The following FAF2 variants were observed in gnomAD, a reference collection of about 807,000 sequenced individuals.
The protein encoded by FAF2 is FAS-associated factor 2.
In FAF2, 9 loss-of-function variants were observed where a neutral mutation model predicts 62.3. The ratio of observed to expected loss-of-function variants is 0.14; its 90% CI spans 0.09 to 0.25. The LOEUF is 0.25. Ranked by LOEUF, FAF2 falls within the 10% of genes least tolerant of loss-of-function variation. The pLI, the probability that FAF2 is intolerant of heterozygous loss-of-function variation, is 1.00. For synonymous variants in FAF2, 202 were observed against 198.0 expected (o/e 1.02, Z -0.17); for missense variants, 368 against 556.2 (o/e 0.66, Z 3.40).
Position 176,496,675 on chromosome 5 carries a change from T to C in FAF2, c.839+12T>C. 1 of 1,511,944 alleles carries C rather than the reference T, an allele frequency of 6.6e-7. No homozygotes were observed. The highest frequency in any genetic ancestry group is 8.9e-7 in the Non-Finnish European group (1 of 1,128,402). The allele number at this position is 1,511,944 out of a possible 1,614,324, so 93.7% of individuals were successfully genotyped here. ...GAACGCCTAGAAAGGTACAAGGGAG[T>C]TCCCTTCTGGAACAGAGAGAGACCA... On this transcript the variant is annotated intron_variant, in intron 8 of 10. Transcript: ENST00000261942.
intron 10 of FAF2, among the ~76,000 whole-genome samples, chr5:176,501,556 A>C (rs909406667): frequency 1.6e-4 from 24 of 152,172 alleles, no homozygotes; most frequent in Admixed American, 1.4e-3. Flanking sequence ...TGAGCCAGAT[A>C]CTCTAGGGAT....
At chr5:176,478,782 A>G (rs1482371485) in intron 1 of FAF2, among the ~76,000 whole-genome samples, 1 of 152,228 alleles carries the variant, frequency 6.6e-6, no homozygotes, top group East Asian at 1.9e-4. Context: ...AGCACTCAAA[A>G]TGTTTCAAAA....
intron 2 of FAF2, among the ~76,000 whole-genome samples, chr5:176,485,391 G>A (rs141306779): frequency 6.6e-6 from 1 of 152,288 alleles, no homozygotes; most frequent in Non-Finnish European, 1.5e-5. Context: ...TTCTGGCATG[G>A]CCGGCTTTCA....
intron 1 of FAF2, among the ~76,000 whole-genome samples, chr5:176,476,036 G>A (rs567758054): frequency 3.9e-5 from 6 of 152,194 alleles, no homozygotes; most frequent in East Asian, 1.9e-4. Context: ...CGGGAGGATC[G>A]CTTGAGCCCA....
At chr5:176,502,818 G>C (rs1302698573) in intron 10 of FAF2, among the ~76,000 whole-genome samples, 1 of 152,146 alleles carries the variant, frequency 6.6e-6, no homozygotes, top group Non-Finnish European at 1.5e-5. Flanking sequence ...GGGGGGCCGA[G>C]GCAGGCGGAT....
chr5:176,501,904 C>T (rs1156585371), intron 10 of FAF2, among the ~76,000 whole-genome samples: 1 of 152,098 alleles, frequency 6.6e-6, no homozygotes, highest in East Asian at 1.9e-4. Context: ...CAGGAAGCCG[C>T]CACCATGCCT....
intron 2 of FAF2, among the ~76,000 whole-genome samples, chr5:176,480,557 C>T (rs1758770390): frequency 6.6e-6 from 1 of 151,960 alleles, no homozygotes; most frequent in Admixed American, 6.6e-5. Flanking sequence ...GGACTACAAA[C>T]ATGTAACACC....
Position 176,509,729 on chromosome 5 carries a change from T to C in FAF2, c.*2779T>C, listed in dbSNP as rs1173911696. Reference sequence around the variant, plus strand: ...CTTAAAAACTAAGCTAAAAAGAACCTAGAACCTTCAATTGAGCAGTTGTGA... The same window carrying C: ...CTTAAAAACTAAGCTAAAAAGAACCCAGAACCTTCAATTGAGCAGTTGTGA... On this transcript the variant is annotated 3_prime_UTR_variant, in exon 11 of 11. Coordinates refer to ENST00000261942, the MANE Select transcript of FAF2 (RefSeq NM_014613.3). 1.3e-5 allele frequency: 2 copies of C among 152,612 alleles called. No homozygotes were observed. Among genetic ancestry groups the C allele is most frequent in the Non-Finnish European group, 2.9e-5 (2 of 68,028 alleles). 9.5% of individuals were successfully genotyped at this position (152,612 alleles called of 1,614,324 possible). A position where few individuals can be genotyped will look rare whatever the true frequency, so the allele number is the denominator to read the frequency against.
intron 10 of FAF2, among the ~76,000 whole-genome samples, chr5:176,504,834 C>T (rs1248974407): frequency 6.6e-6 from 1 of 151,964 alleles, no homozygotes; most frequent in African/African-American, 2.4e-5. Context: ...CTGAAGAGGG[C>T]AACATGGCAA....
At chr5:176,482,441 G>A (rs1019715628) in intron 2 of FAF2, among the ~76,000 whole-genome samples, 3 of 152,062 alleles carry the variant, frequency 2.0e-5, no homozygotes, top group Non-Finnish European at 4.4e-5. Context: ...TTGAACTCCT[G>A]GCCTCAAGTG....
At chr5:176,468,829 A>C (rs1416968077) in intron 1 of FAF2, among the ~76,000 whole-genome samples, 1 of 151,996 alleles carries the variant, frequency 6.6e-6, no homozygotes, top group Non-Finnish European at 1.5e-5. Flanking sequence ...CTGTAGTCCT[A>C]GCTACTTGGG....
intron 2 of FAF2, 73 bp downstream of exon 2, chr5:176,479,329 C>T: frequency 8.3e-7 from 1 of 1,205,760 alleles, no homozygotes; most frequent in Non-Finnish European, 1.2e-6. Context: ...TATGTTTTTC[C>T]ATAGCAGGAA....
intron 1 of FAF2, among the ~76,000 whole-genome samples, chr5:176,459,512 G>A (rs566654557): frequency 7.9e-5 from 12 of 152,172 alleles, no homozygotes; most frequent in African/African-American, 2.9e-4. Context: ...CGATCTGCCT[G>A]CCTCAGCTTC....
At chr5:176,490,799 A>T (rs1758959631) in intron 4 of FAF2, among the ~76,000 whole-genome samples, 1 of 152,162 alleles carries the variant, frequency 6.6e-6, no homozygotes, top group Non-Finnish European at 1.5e-5. Flanking sequence ...AAAAAAGCTG[A>T]TTGTCCTAAA....
chr5:176,501,130 AATAAAT>A (rs1484478779), intron 10 of FAF2, among the ~76,000 whole-genome samples: 1 of 148,458 alleles, frequency 6.7e-6, no homozygotes, highest in East Asian at 2.1e-4. Context: ...AAAAAAAAAA[AATAAAT>A]AATAATAATA....
chr5:176,451,904 T>A (rs1348973931), intron 1 of FAF2, among the ~76,000 whole-genome samples: 8 of 65,956 alleles, frequency 1.2e-4, no homozygotes, highest in South Asian at 5.3e-4. Context: ...TTTTTTTTTT[T>A]TTTTTTTTTT....
At chr5:176,470,700 A>G (rs931244218) in intron 1 of FAF2, among the ~76,000 whole-genome samples, 4 of 152,224 alleles carry the variant, frequency 2.6e-5, no homozygotes, top group Admixed American at 6.5e-5. Context: ...TATGAATGCA[A>G]CTGTTTACAG....
rs967678752 is a variant in FAF2 at position 176,509,655 on chromosome 5, C to T, written c.*2705C>T. On this transcript the variant is annotated 3_prime_UTR_variant, in exon 11 of 11. Coordinates refer to ENST00000261942, the MANE Select transcript of FAF2 (RefSeq NM_014613.3). The stretch of plus-strand genomic sequence containing the variant: ...CAAATACTTCTTTCTCCTTGCTTGC[C>T]TCCACCATGATATTTGAATAAGAGA... 2.0e-5 allele frequency: 3 copies of T among 152,622 alleles called. No individual in the cohort carries two copies. The highest frequency in any genetic ancestry group is 1.5e-5 in the Non-Finnish European group (1 of 68,044). 9.5% of individuals were successfully genotyped at this position (152,622 alleles called of 1,614,324 possible).
intron 7 of FAF2, 40 bp from the exon 8 acceptor site, chr5:176,496,446 C>A: frequency 6.8e-7 from 1 of 1,463,342 alleles, no homozygotes. Flanking sequence ...TCTTTTTCAC[C>A]GTCAAGTCCT....
Sources: gnomAD v4.1 joint callset for allele counts (sites outside exome capture counted in the v4.1 genomes callset) on GRCh38, gnomAD v4.1.1 for gene constraint, MANE v1.5 for transcripts, NCBI Gene and HGNC (gene_info 2026-07-23, HGNC 2026-07-21) for gene names.